The following TRANK1 variants were observed in gnomAD, a reference collection of about 807,000 sequenced individuals.
The protein encoded by TRANK1 is TPR and ankyrin repeat-containing protein 1.
In TRANK1, 198 loss-of-function variants were observed where a neutral mutation model predicts 266.0. The observed-to-expected ratio is 0.74, with a 90% CI of 0.66 to 0.84. The LOEUF is 0.84. Among genes scored for constraint, TRANK1 ranks in the 40% least tolerant of loss-of-function variants. The pLI, the probability that TRANK1 is intolerant of heterozygous loss-of-function variation, is 0.00. For missense variants in TRANK1, 3,326 were observed against 3,634.6 expected, an observed-to-expected ratio of 0.92 and a Z score of 2.18; for synonymous variants, 1,396 against 1,384.1, an observed-to-expected ratio of 1.01 and a Z score of -0.19.
intron 4 of TRANK1, among the ~76,000 whole-genome samples, chr3:36,897,716 T>C (rs986678314): frequency 6.6e-5 from 10 of 152,248 alleles, no homozygotes; most frequent in African/African-American, 2.4e-4. Context: ...TCAGGATGTC[T>C]TACAATCAAT....
At position 36,892,130 on chromosome 3, in the gene TRANK1, TTG is replaced by T. The variant is rs1292605728; in HGVS notation, c.775+70_775+71del. On this transcript the variant is annotated intron_variant, in intron 7 of 23. Transcript: ENST00000645898. ...TCAAGTGGCTTAATTCTAGTTTCAC[TTG>T]AGCTCAACAGAGTTCCAGAACTAGG... The T allele has an allele frequency of 2.7e-6, 4 of 1,472,130 alleles. No individual in the cohort carries two copies. The African/African-American group carries it at 5.7e-5, about 21-fold the overall frequency. The allele number at this position is 1,472,130 out of a possible 1,614,324, so 91.2% of individuals were successfully genotyped here. A position where few individuals can be genotyped will look rare whatever the true frequency, so the allele number is the denominator to read the frequency against.
chr3:36,835,461 T>C (rs1179801051), intron 20 of TRANK1, among the ~76,000 whole-genome samples: 4 of 151,502 alleles, frequency 2.6e-5, no homozygotes, highest in Non-Finnish European at 4.4e-5. Flanking sequence ...AAGATCTAAA[T>C]GTGGAAACTA....
rs756922556 is a variant in TRANK1, at chr3:36,832,310, C to T, written c.7273G>A (p.Asp2425Asn). 6.2e-7 allele frequency: 1 copy of T among 1,614,012 alleles called. No homozygotes were observed. The highest frequency in any genetic ancestry group is 1.3e-5 in the African/African-American group (1 of 75,040). The change falls in exon 22 of 24, where the codon GAC (aspartate) becomes AAC (asparagine). Residue 2425 changes from aspartate (D) to asparagine (N), a missense_variant. Physicochemically the swap from Asp to Asn is conservative, Grantham distance 23. Coordinates refer to ENST00000645898, the MANE Select transcript of TRANK1 (RefSeq NM_001329998.2). ...AAACGGAAAAAGAGCCTCTTGTAGT[C>T]TTCTGGGTTCCTGTACACGTAGAAT... ...DQFYVYRNPE[D>N]YKRLFFRFMN... is the part of the protein sequence containing the mutation.
intron 2 of TRANK1, among the ~76,000 whole-genome samples, chr3:36,905,222 C>T (rs1188784249): frequency 1.3e-5 from 2 of 149,356 alleles, no homozygotes; most frequent in East Asian, 2.0e-4. Context: ...CGGGAGGCGG[C>T]GGAGCTTGCA....
intron 18 of TRANK1, among the ~76,000 whole-genome samples, chr3:36,838,997 C>G (rs1297752932): frequency 6.6e-6 from 1 of 152,224 alleles, no homozygotes; most frequent in Non-Finnish European, 1.5e-5. Flanking sequence ...CTTATTTAAT[C>G]TTCCAACAGC....
At position 36,855,664 on chromosome 3, in the gene TRANK1, A is replaced by G; in HGVS notation, c.4058T>C (p.Phe1353Ser). Residue 1353 changes from phenylalanine (F) to serine (S), a missense_variant, in exon 13 of 24, where the codon TTT (phenylalanine) becomes TCT (serine). Transcript: ENST00000645898. ...PALIWKEIKSFLKGSFEALSC... is the reference protein window; with the variant it reads ...PALIWKEIKSSLKGSFEALSC... ...GAGGGCCTCAAAAGAACCCTTTAGAAAAGATTTTATTTCTTTCCAAATCAG... is the reference window on the plus strand; with the variant it reads ...GAGGGCCTCAAAAGAACCCTTTAGAGAAGATTTTATTTCTTTCCAAATCAG... 6.2e-7 allele frequency: 1 copy of G among 1,613,852 alleles called. No individual in the cohort carries two copies. Among genetic ancestry groups the G allele is most frequent in the South Asian group, 1.1e-5 (1 of 91,068 alleles).
chr3:36,854,089 G>A (rs541776110), intron 13 of TRANK1, among the ~76,000 whole-genome samples: 46 of 152,254 alleles, frequency 3.0e-4, no homozygotes, highest in South Asian at 1.5e-3. Context: ...GGCTGGGCAC[G>A]AGGGCTCACG....
chr3:36,944,775 G>A lies in TRANK1; in HGVS notation c.23+12C>T, dbSNP rs1176569040. ...CCAGAGATGCCCCAGTGCTTCCCGC[G>A]CCGCTACGCACCTAGCTGCCCGCGG... On this transcript the variant is annotated intron_variant, in intron 1 of 23. Transcript: ENST00000645898. 9 of 1,498,154 alleles carry A rather than the reference G, an allele frequency of 6.0e-6. No homozygotes were observed. Among genetic ancestry groups the A allele is most frequent in the Non-Finnish European group, 8.0e-6 (9 of 1,130,886 alleles). 92.8% of individuals were successfully genotyped at this position (1,498,154 alleles called of 1,614,324 possible).
intron 18 of TRANK1, among the ~76,000 whole-genome samples, chr3:36,840,755 C>T (rs2078833390): frequency 6.6e-6 from 1 of 152,210 alleles, no homozygotes; most frequent in Non-Finnish European, 1.5e-5. Context: ...CCCCCGGTCC[C>T]CTGAGCCAAG....
At position 36,864,967 on chromosome 3, in the gene TRANK1, T is replaced by C. The variant is rs569205807; in HGVS notation, c.1079-487A>G. 2.0e-5 allele frequency among the ~76,000 whole-genome samples: 3 copies of C among 151,728 alleles called. No homozygotes were observed. In the South Asian group the frequency reaches 6.3e-4, roughly 32 times the overall value. The stretch of plus-strand genomic sequence containing the variant: ...CAGCCCAGACTAAATTGCTGACCTG[T>C]AGGATCAGGAGCCAAATAAATGCTT... On this transcript the variant is annotated intron_variant, in intron 9 of 23. Coordinates refer to ENST00000645898, the MANE Select transcript of TRANK1 (RefSeq NM_001329998.2).
chr3:36,859,736 T>C (rs557804093), intron 11 of TRANK1, among the ~76,000 whole-genome samples: 1 of 152,326 alleles, frequency 6.6e-6, no homozygotes, highest in Admixed American at 6.5e-5. Context: ...TCCTAGCACC[T>C]GATCCTGAGA....
chr3:36,829,520 C>G lies in TRANK1; in HGVS notation c.8809+44G>C, dbSNP rs1028316366. The G allele has an allele frequency of 1.9e-6, 3 of 1,604,424 alleles. No homozygotes were observed. The African/African-American group carries it at 4.0e-5, about 21-fold the overall frequency. Reference sequence around the variant, plus strand: ...CGGGAGCCAGCAGTAATAAGAACCACAGGACCCAAAGTGTTACCTGTCCCC... The same window carrying G: ...CGGGAGCCAGCAGTAATAAGAACCAGAGGACCCAAAGTGTTACCTGTCCCC... On this transcript the variant is annotated intron_variant, in intron 23 of 23. Coordinates refer to ENST00000645898, the MANE Select transcript of TRANK1 (RefSeq NM_001329998.2).
chr3:36,847,385 CT>C, intron 15 of TRANK1, 39 bp from the exon 16 acceptor site: 1 of 1,608,022 alleles, frequency 6.2e-7, no homozygotes, highest in Non-Finnish European at 8.5e-7. Context: ...ACAGAATATG[CT>C]TTTGAACTAC....
At chr3:36,897,833 AG>A in intron 4 of TRANK1, among the ~76,000 whole-genome samples, 1 of 152,244 alleles carries the variant, frequency 6.6e-6, no homozygotes, top group East Asian at 1.9e-4. Context: ...GCAGGACTTT[AG>A]ACTGCACCAT....
intron 7 of TRANK1, 62 bp downstream of exon 7, chr3:36,892,140 C>T: frequency 5.3e-6 from 8 of 1,505,032 alleles, no homozygotes; most frequent in Non-Finnish European, 7.1e-6. Context: ...TTGAGCTCAA[C>T]AGAGTTCCAG....
chr3:36,940,351 T>G (rs1361866934), intron 1 of TRANK1, among the ~76,000 whole-genome samples: 1 of 151,760 alleles, frequency 6.6e-6, no homozygotes, highest in African/African-American at 2.4e-5. Context: ...TACAAAAAAA[T>G]TAGCCGGGCG....
chr3:36,862,503 T>C (rs937751163), intron 10 of TRANK1, among the ~76,000 whole-genome samples: 11 of 152,242 alleles, frequency 7.2e-5, no homozygotes, highest in Non-Finnish European at 2.9e-5. Flanking sequence ...CCCCGGAATC[T>C]ATTCACTCAT....
chr3:36,896,085 G>A (rs1294333995), intron 4 of TRANK1, among the ~76,000 whole-genome samples: 2 of 152,178 alleles, frequency 1.3e-5, no homozygotes, highest in African/African-American at 4.8e-5. Flanking sequence ...ACTTATAGAG[G>A]AGGAAATGGA....
Position 36,895,755 on chromosome 3 carries a change from T to C in TRANK1, c.437A>G (p.Asp146Gly). ...LVGVFTTMSS[D>G]SIVLQSFLPC... The stretch of plus-strand genomic sequence containing the variant: ...CAAGAAACTTTGCAAAACAATGGAG[T>C]CACCTAAAAGAAAGTTTCATAATTT... Residue 146 changes from aspartate (D) to glycine (G), a missense_variant, in exon 5 of 24, where the codon GAC (aspartate) becomes GGC (glycine). Coordinates refer to ENST00000645898, the MANE Select transcript of TRANK1 (RefSeq NM_001329998.2). The C allele has an allele frequency of 6.6e-7, 1 of 1,525,752 alleles. No homozygotes were observed. The highest frequency in any genetic ancestry group is 8.8e-7 in the Non-Finnish European group (1 of 1,142,054). 94.5% of individuals were successfully genotyped at this position (1,525,752 alleles called of 1,614,324 possible). A position where few individuals can be genotyped will look rare whatever the true frequency, so the allele number is the denominator to read the frequency against.
Sources: gnomAD v4.1 joint callset for allele counts (sites outside exome capture counted in the v4.1 genomes callset) on GRCh38, gnomAD v4.1.1 for gene constraint, MANE v1.5 for transcripts, NCBI Gene and HGNC (gene_info 2026-07-23, HGNC 2026-07-21) for gene names.